Variants in TLK1 observed in about 807,000 individuals in gnomAD.
The protein encoded by TLK1 is serine/threonine-protein kinase tousled-like 1.
TLK1 carries 24 observed loss-of-function variants against 105.3 expected under a neutral mutation model. That is an observed-to-expected ratio of 0.23 (90% CI 0.17 to 0.32). TLK1 has a LOEUF of 0.32. TLK1 is among the 10% of genes least tolerant of loss of function. The pLI is 1.00. For missense variants in TLK1, 558 were observed against 910.5 expected (o/e 0.61, Z 4.98); for synonymous variants, 321 against 310.4 (o/e 1.03, Z -0.36).
intron 11 of TLK1, among the ~76,000 whole-genome samples, chr2:171,032,069 G>GAGCA (rs1686072177): frequency 6.7e-6 from 1 of 150,244 alleles, no homozygotes; most frequent in Non-Finnish European, 1.5e-5. Flanking sequence ...CTGGGCAACA[G>GAGCA]AGCAAGAAAA....
chr2:171,145,975 T>C (rs768710334), intron 1 of TLK1, among the ~76,000 whole-genome samples: 1 of 152,152 alleles, frequency 6.6e-6, no homozygotes, highest in African/African-American at 2.4e-5. Context: ...CTTGTCTCAG[T>C]GGTCGTTACA....
chr2:171,192,091 C>T (rs1693165865), intron 1 of TLK1, among the ~76,000 whole-genome samples: 1 of 152,132 alleles, frequency 6.6e-6, no homozygotes, highest in South Asian at 2.1e-4. Context: ...TACAGTAGTG[C>T]AATCTTGGCT....
intron 11 of TLK1, among the ~76,000 whole-genome samples, chr2:171,038,869 G>T (rs1474976474): frequency 6.6e-6 from 1 of 152,120 alleles, no homozygotes; most frequent in Non-Finnish European, 1.5e-5. Context: ...TGCATGCACT[G>T]TGTGTTTTGT....
chr2:170,998,085 TCTATCTACCTACCTAC>T (rs1684161599), intron 18 of TLK1, among the ~76,000 whole-genome samples: 1 of 109,140 alleles, frequency 9.2e-6, no homozygotes, highest in South Asian at 3.1e-4. Context: ...TATCTATCTA[TCTATCTACCTACCTAC>T]CTACCTACCA....
At chr2:171,047,644 A>G (rs888749955) in intron 10 of TLK1, among the ~76,000 whole-genome samples, 4 of 152,208 alleles carry the variant, frequency 2.6e-5, no homozygotes, top group Admixed American at 2.0e-4. Flanking sequence ...TCAATTTTTA[A>G]TAAGTAAATC....
chr2:171,214,984 AG>A (rs1466349989), intron 1 of TLK1, among the ~76,000 whole-genome samples: 2 of 151,378 alleles, frequency 1.3e-5, no homozygotes, highest in African/African-American at 4.9e-5. Flanking sequence ...TCTGTCTCCC[AG>A]GCTGGTGTAT....
At position 171,157,160 on chromosome 2, in the gene TLK1, T is replaced by C. The variant is rs570741822; in HGVS notation, c.139+3130A>G. Among the ~76,000 whole-genome samples, 8 of 152,306 alleles carry C rather than the reference T, an allele frequency of 5.3e-5. No individual in the cohort carries two copies. The East Asian group carries it at 1.5e-3, about 29-fold the overall frequency. On this transcript the variant is annotated intron_variant, in intron 1 of 20. Coordinates refer to ENST00000431350, the MANE Select transcript of TLK1 (RefSeq NM_012290.5). ...ATTTACAAAAAAGTAAAGCAAATTA[T>C]TTATAATTGGCAGGTTGGAGCAGGA... is the stretch of plus-strand genomic sequence containing the variant.
At chr2:171,113,810 G>A (rs891265193) in intron 2 of TLK1, among the ~76,000 whole-genome samples, 3 of 152,146 alleles carry the variant, frequency 2.0e-5, no homozygotes, top group Admixed American at 2.0e-4. Context: ...ATTAGTAACA[G>A]AAACTGTAGA....
chr2:171,072,424 C>A (rs1688304820), intron 3 of TLK1, among the ~76,000 whole-genome samples: 1 of 151,982 alleles, frequency 6.6e-6, no homozygotes, highest in African/African-American at 2.4e-5. Flanking sequence ...CCAGCCTGGC[C>A]AACATGGTGA....
intron 1 of TLK1, among the ~76,000 whole-genome samples, chr2:171,211,289 C>T (rs1236815659): frequency 6.6e-6 from 1 of 152,138 alleles, no homozygotes; most frequent in Non-Finnish European, 1.5e-5. Flanking sequence ...TTTCTATAAC[C>T]GGTTTGGGTT....
At chr2:171,039,913 T>C (rs1339961214) in intron 11 of TLK1, among the ~76,000 whole-genome samples, 1 of 152,078 alleles carries the variant, frequency 6.6e-6, no homozygotes, top group African/African-American at 2.4e-5. Context: ...AGGGTATTCT[T>C]GGCAGAAAAA....
chr2:171,194,148 G>T (rs1244508116), intron 1 of TLK1, among the ~76,000 whole-genome samples: 1 of 152,170 alleles, frequency 6.6e-6, no homozygotes, highest in Middle Eastern at 3.2e-3. Flanking sequence ...CGCCATTGAA[G>T]AAATATATTT....
At chr2:171,216,991 C>T (rs1693725495) in intron 1 of TLK1, among the ~76,000 whole-genome samples, 1 of 152,176 alleles carries the variant, frequency 6.6e-6, no homozygotes, top group Admixed American at 6.5e-5. Flanking sequence ...TTATTTTAAG[C>T]CACTCAGTGT....
At chr2:171,079,537 T>C (rs1214997196) in intron 3 of TLK1, among the ~76,000 whole-genome samples, 2 of 152,216 alleles carry the variant, frequency 1.3e-5, no homozygotes, top group Middle Eastern at 3.2e-3. Flanking sequence ...TTACTGAAAA[T>C]ATCCTGAATT....
At chr2:171,093,635 A>G (rs190712426) in intron 2 of TLK1, among the ~76,000 whole-genome samples, 1 of 152,204 alleles carries the variant, frequency 6.6e-6, no homozygotes, top group African/African-American at 2.4e-5. Flanking sequence ...TTTGAACTTC[A>G]ACTTAAAAAC....
intron 11 of TLK1, among the ~76,000 whole-genome samples, chr2:171,034,300 T>G (rs1686209299): frequency 1.3e-5 from 2 of 152,214 alleles, no homozygotes; most frequent in African/African-American, 4.8e-5. Context: ...GACAGGTGTT[T>G]ATAGCAGAAC....
intron 1 of TLK1, among the ~76,000 whole-genome samples, chr2:171,152,873 T>C (rs930569887): frequency 7.9e-5 from 12 of 152,196 alleles, no homozygotes; most frequent in Non-Finnish European, 5.9e-5. Flanking sequence ...TTTTCATTGA[T>C]GTATCTCTAA....
intron 3 of TLK1, among the ~76,000 whole-genome samples, chr2:171,080,307 T>C (rs561450600): frequency 2.6e-5 from 4 of 151,896 alleles, no homozygotes; most frequent in Middle Eastern, 3.4e-3. Flanking sequence ...AAAAGAATAG[T>C]GACATCAGAA....
chr2:171,163,369 T>C (rs1425842794), upstream of TLK1, among the ~76,000 whole-genome samples: 1 of 152,232 alleles, frequency 6.6e-6, no homozygotes, highest in African/African-American at 2.4e-5. Flanking sequence ...TTTTTATACC[T>C]AAATACATGC....
Sources: gnomAD v4.1 joint callset for allele counts (sites outside exome capture counted in the v4.1 genomes callset) on GRCh38, gnomAD v4.1.1 for gene constraint, MANE v1.5 for transcripts, NCBI Gene and HGNC (gene_info 2026-07-23, HGNC 2026-07-21) for gene names.